ADAP2: variants seen among roughly 807,000 people sequenced by gnomAD.
ADAP2 encodes arf-GAP with dual PH domain-containing protein 2.
A neutral mutation model predicts 54.9 loss-of-function variants in ADAP2; 42 were observed. The observed-to-expected ratio is 0.77, with a 90% CI of 0.60 to 0.99. The LOEUF (loss-of-function observed/expected upper bound fraction) is 0.99, where lower values mean the gene tolerates loss of function less well. Ranked by LOEUF, ADAP2 falls within the 50% of genes least tolerant of loss-of-function variation. The pLI, the probability that ADAP2 is intolerant of heterozygous loss-of-function variation, is 0.00. For missense variants in ADAP2, 429 were observed against 480.4 expected (o/e 0.89, Z 1.00); for synonymous variants, 177 against 180.1 (o/e 0.98, Z 0.14).
At chr17:30,932,758 C>T (rs780875373) in intron 4 of ADAP2, among the ~76,000 whole-genome samples, 29 of 149,342 alleles carry the variant, frequency 1.9e-4, no homozygotes, top group Admixed American at 1.3e-4. Flanking sequence ...TTAGTAAAGA[C>T]GGGGTTTTAC....
intron 5 of ADAP2, among the ~76,000 whole-genome samples, chr17:30,944,099 G>A (rs1912477778): frequency 6.6e-6 from 1 of 152,172 alleles, no homozygotes; most frequent in Admixed American, 6.5e-5. Context: ...GGCTGAGGCA[G>A]GAGAATCGCT....
rs1911712740 is a variant in ADAP2 at position 30,934,279 on chromosome 17, G to A, written c.492G>A (p.Lys164=). 5.6e-6 allele frequency: 9 copies of A among 1,613,646 alleles called. No individual in the cohort carries two copies. The East Asian group carries it at 2.0e-4, about 36-fold the overall frequency. ...FVLLAREGLL[K]YFTKEQGKSP... Reference sequence around the variant, plus strand: ...TTCTGGCAAGAGAAGGCCTCCTGAAGTACTTCACAAAGGAACAGGTAAGAT... The same window carrying A: ...TTCTGGCAAGAGAAGGCCTCCTGAAATACTTCACAAAGGAACAGGTAAGAT... The change falls in exon 5 of 11, where the codon AAG becomes AAA. Residue 164 remains lysine, a synonymous_variant. Transcript: ENST00000330889.
At chr17:30,941,354 C>T (rs1021795641) in intron 5 of ADAP2, among the ~76,000 whole-genome samples, 1 of 152,120 alleles carries the variant, frequency 6.6e-6, no homozygotes, top group Non-Finnish European at 1.5e-5. Flanking sequence ...TCATCTTGTC[C>T]CTCCTTAACA....
At chr17:30,929,180 CTGAT>C (rs1911299689) in intron 3 of ADAP2, among the ~76,000 whole-genome samples, 1 of 152,244 alleles carries the variant, frequency 6.6e-6, no homozygotes, top group Non-Finnish European at 1.5e-5. Context: ...GCAAATCTCT[CTGAT>C]TGTCAACATC....
intron 3 of ADAP2, among the ~76,000 whole-genome samples, chr17:30,928,341 A>G (rs1055425527): frequency 6.6e-6 from 1 of 151,638 alleles, no homozygotes; most frequent in Non-Finnish European, 1.5e-5. Flanking sequence ...ACTAAAAATT[A>G]AAAAATTAGC....
intron 3 of ADAP2, among the ~76,000 whole-genome samples, chr17:30,928,304 C>T (rs914100272): frequency 6.6e-5 from 10 of 151,416 alleles, no homozygotes; most frequent in African/African-American, 2.4e-4. Context: ...AAGACCAGCC[C>T]GGCCAACATA....
At position 30,958,077 on chromosome 17, in the gene ADAP2, G is replaced by A. The variant is rs758013459; in HGVS notation, c.*208G>A. ...CACCTCGGGGATCTGAGGATCTGGTGCATAGATGAACATCTATCCCCTCCT... is the reference window on the plus strand; with the variant it reads ...CACCTCGGGGATCTGAGGATCTGGTACATAGATGAACATCTATCCCCTCCT... On this transcript the variant is annotated 3_prime_UTR_variant, in exon 11 of 11. Coordinates refer to ENST00000330889, the MANE Select transcript of ADAP2 (RefSeq NM_018404.3). 6.6e-6 allele frequency: 4 copies of A among 608,306 alleles called. No individual in the cohort carries two copies. Among genetic ancestry groups the A allele is most frequent in the Non-Finnish European group, 1.2e-5 (4 of 336,682 alleles). 37.7% of individuals were successfully genotyped at this position (608,306 alleles called of 1,614,324 possible). A position where few individuals can be genotyped will look rare whatever the true frequency, so the allele number is the denominator to read the frequency against.
intron 7 of ADAP2, among the ~76,000 whole-genome samples, chr17:30,951,658 T>TC (rs1261603910): frequency 1.8e-4 from 19 of 103,604 alleles, no homozygotes; most frequent in African/African-American, 1.1e-3. Flanking sequence ...TCTTTTCTTT[T>TC]TTTTTTTTTT....
At chr17:30,935,288 A>C (rs916058776) in intron 5 of ADAP2, among the ~76,000 whole-genome samples, 2 of 152,192 alleles carry the variant, frequency 1.3e-5, no homozygotes, top group African/African-American at 4.8e-5. Flanking sequence ...GTATCACTTG[A>C]ACCTGGGAGG....
At chr17:30,936,426 G>A (rs1029065031) in intron 5 of ADAP2, among the ~76,000 whole-genome samples, 5 of 152,052 alleles carry the variant, frequency 3.3e-5, no homozygotes, top group Non-Finnish European at 5.9e-5. Context: ...GCCTCCCAAA[G>A]TACTAGGATT....
At chr17:30,926,964 T>C in intron 3 of ADAP2, 46 bp downstream of exon 3, 1 of 1,426,720 alleles carries the variant, frequency 7.0e-7, no homozygotes, top group Non-Finnish European at 9.9e-7. Context: ...TCTGTCCTGG[T>C]TCCACCTCCT....
At chr17:30,942,060 C>T (rs1222362696) in intron 5 of ADAP2, among the ~76,000 whole-genome samples, 2 of 152,030 alleles carry the variant, frequency 1.3e-5, no homozygotes, top group Non-Finnish European at 2.9e-5. Flanking sequence ...TGTGTACCAC[C>T]ACTCCCAGCT....
chr17:30,953,412 G>T, intron 8 of ADAP2, 62 bp downstream of exon 8: 1 of 1,527,354 alleles, frequency 6.5e-7, no homozygotes. Context: ...GGTTTCATGT[G>T]TTTATGGGAT....
At chr17:30,932,265 C>T (rs955674872) in intron 4 of ADAP2, among the ~76,000 whole-genome samples, 3 of 137,644 alleles carry the variant, frequency 2.2e-5, no homozygotes, top group African/African-American at 2.7e-5. Context: ...CAGGGTCTTA[C>T]TCTGTTGTCC....
intron 2 of ADAP2, 120 bp from the exon 3 acceptor site, chr17:30,926,707 G>A (rs1911079040): frequency 1.1e-5 from 9 of 817,206 alleles, no homozygotes; most frequent in African/African-American, 1.7e-5. Context: ...GACCAAGCCC[G>A]GTGGGACATC....
intron 6 of ADAP2, among the ~76,000 whole-genome samples, chr17:30,948,343 C>T (rs1356250211): frequency 6.6e-6 from 1 of 151,772 alleles, no homozygotes; most frequent in Non-Finnish European, 1.5e-5. Flanking sequence ...CTTTGGGAGG[C>T]CGAGGCGGGC....
chr17:30,940,200 C>A (rs112856085), intron 5 of ADAP2, among the ~76,000 whole-genome samples: 1 of 151,954 alleles, frequency 6.6e-6, no homozygotes, highest in South Asian at 2.1e-4. Flanking sequence ...TGAACTCAAC[C>A]GATCTACCAG....
intron 2 of ADAP2, among the ~76,000 whole-genome samples, chr17:30,923,410 G>A (rs956935966): frequency 6.6e-6 from 1 of 150,598 alleles, no homozygotes; most frequent in Admixed American, 6.6e-5. Flanking sequence ...GATTACAGGC[G>A]CCTGCCACCA....
intron 7 of ADAP2, among the ~76,000 whole-genome samples, chr17:30,952,143 C>T (rs1904705181): frequency 6.6e-6 from 1 of 152,128 alleles, no homozygotes; most frequent in African/African-American, 2.4e-5. Context: ...CATAGGAGGC[C>T]ATCATCAACC....
Sources: allele counts gnomAD v4.1 joint callset (sites outside exome capture counted in the v4.1 genomes callset), GRCh38; gene constraint gnomAD v4.1.1; transcripts MANE v1.5; gene names NCBI Gene and HGNC (gene_info 2026-07-23, HGNC 2026-07-21).